Variants in PCSK5 observed in about 807,000 individuals in gnomAD.
The protein encoded by PCSK5 is proprotein convertase subtilisin/kexin type 5.
PCSK5 carries 129 observed loss-of-function variants against 233.2 expected under a neutral mutation model. The ratio of observed to expected loss-of-function variants is 0.55; its 90% CI spans 0.48 to 0.64. PCSK5 has a LOEUF of 0.64. Among genes scored for constraint, PCSK5 ranks in the 30% least tolerant of loss-of-function variants. The probability of loss-of-function intolerance (pLI) is 0.00; values close to 1 mark genes in which losing one functional copy is unlikely to be tolerated. For missense variants in PCSK5, 2,076 were observed against 2,430.1 expected (o/e 0.85, Z 3.06); for synonymous variants, 825 against 879.2 (o/e 0.94, Z 1.09).
At chr9:76,133,309 G>A (rs947060405) in intron 9 of PCSK5, among the ~76,000 whole-genome samples, 1 of 152,066 alleles carries the variant, frequency 6.6e-6, no homozygotes, top group Non-Finnish European at 1.5e-5. Context: ...ATGGCTTCGA[G>A]TATATACATA....
intron 5 of PCSK5, among the ~76,000 whole-genome samples, chr9:76,052,846 A>G (rs1397205933): frequency 6.6e-6 from 1 of 152,214 alleles, no homozygotes; most frequent in Non-Finnish European, 1.5e-5. Context: ...TCCTAGATAG[A>G]ATGGGGTACA....
chr9:75,950,147 G>A (rs1450876184), intron 2 of PCSK5, among the ~76,000 whole-genome samples: 2 of 126,624 alleles, frequency 1.6e-5, no homozygotes, highest in African/African-American at 3.0e-5. Flanking sequence ...GTGTGTGTGG[G>A]GGGGGCGGGG....
In PCSK5 at chr9:76,149,631, C is replaced by T. The variant is rs543372768; in HGVS notation, c.1313-7414C>T. On this transcript the variant is annotated intron_variant, in intron 10 of 37. Coordinates refer to ENST00000674117, the MANE Select transcript of PCSK5 (RefSeq NM_001372043.1). Reference sequence around the variant, plus strand: ...GACATATGGTCAATCTAATCTTCAACTAGCCTTTACCCAAAGGCCCTTGTA... The same window carrying T: ...GACATATGGTCAATCTAATCTTCAATTAGCCTTTACCCAAAGGCCCTTGTA... Among the ~76,000 whole-genome samples, 13 of 152,312 alleles carry T rather than the reference C, an allele frequency of 8.5e-5. No individual in the cohort carries two copies. The South Asian group carries it at 1.2e-3, about 15-fold the overall frequency.
intron 6 of PCSK5, among the ~76,000 whole-genome samples, chr9:76,069,919 T>C (rs939169965): frequency 1.3e-5 from 2 of 151,468 alleles, no homozygotes; most frequent in Non-Finnish European, 2.9e-5. Context: ...CCAGTGTTAC[T>C]CAGGATGCAG....
rs1829262777 is a variant in PCSK5 at position 76,323,250 on chromosome 9, C to A, written c.4301C>A (p.Ala1434Glu). ...YDGLCLEECP[A>E]GTYYEKETKE... ...GGACTGTGCTTGGAGGAGTGTCCAG[C>A]AGGAACCTATTATGAAAAGGAGACT... The change falls in exon 32 of 38, where the codon GCA (alanine) becomes GAA (glutamate). Residue 1434 changes from alanine (A) to glutamate (E), a missense_variant. Physicochemically the swap from Ala to Glu is moderately radical, Grantham distance 107 (BLOSUM62 -1). Coordinates refer to ENST00000674117, the MANE Select transcript of PCSK5 (RefSeq NM_001372043.1). The A allele has an allele frequency of 5.6e-6, 9 of 1,611,752 alleles. No individual in the cohort carries two copies. The highest frequency in any genetic ancestry group is 1.1e-5 in the South Asian group (1 of 91,058).
At chr9:76,282,707 G>C (rs1827921497) in intron 24 of PCSK5, among the ~76,000 whole-genome samples, 1 of 152,080 alleles carries the variant, frequency 6.6e-6, no homozygotes, top group African/African-American at 2.4e-5. Flanking sequence ...CCGAGGTTTG[G>C]GGTATGAATG....
At chr9:76,234,698 T>C (rs1356793489) in intron 22 of PCSK5, among the ~76,000 whole-genome samples, 1 of 152,228 alleles carries the variant, frequency 6.6e-6, no homozygotes, top group Non-Finnish European at 1.5e-5. Flanking sequence ...TTAAGAGTTT[T>C]TATGAAAATT....
chr9:75,974,232 C>T (rs11144704), intron 2 of PCSK5, among the ~76,000 whole-genome samples: 2,551 of 152,182 alleles, frequency 0.017, 65 homozygotes, highest in African/African-American at 0.057. Flanking sequence ...GGGCACCGCT[C>T]GCCTTCCCGT....
At chr9:75,988,278 TTTTTC>T (rs573823009) in intron 3 of PCSK5, among the ~76,000 whole-genome samples, 372 of 152,204 alleles carry the variant, frequency 2.4e-3, no homozygotes, top group Non-Finnish European at 4.2e-3. Flanking sequence ...AGGTTTTTCT[TTTTTC>T]TTTTCTTTTC....
At chr9:75,999,307 C>A (rs1298592762) in intron 3 of PCSK5, among the ~76,000 whole-genome samples, 5 of 151,892 alleles carry the variant, frequency 3.3e-5, no homozygotes, top group Admixed American at 1.3e-4. Flanking sequence ...GAGACCCTAA[C>A]CCAGCGGGGC....
chr9:75,944,184 A>C (rs10746984), intron 2 of PCSK5, among the ~76,000 whole-genome samples: 1 of 149,472 alleles, frequency 6.7e-6, no homozygotes, highest in African/African-American at 2.4e-5. Flanking sequence ...AAAGAAAAAA[A>C]ATATATATAT....
At chr9:76,063,985 AGGG>A (rs1830141618) in intron 5 of PCSK5, among the ~76,000 whole-genome samples, 1 of 56,804 alleles carries the variant, frequency 1.8e-5, no homozygotes, top group Non-Finnish European at 3.2e-5. Context: ...CCTCCCGGAC[AGGG>A]CGGCTGGCCG....
At chr9:75,930,830 A>G (rs1016100654) in intron 1 of PCSK5, among the ~76,000 whole-genome samples, 6 of 152,204 alleles carry the variant, frequency 3.9e-5, no homozygotes, top group African/African-American at 9.6e-5. Context: ...GGATTATGCA[A>G]CCACTCCTGA....
Position 76,282,145 on chromosome 9 carries a change from T to TTTTTTTTTC in PCSK5, c.3143-10086_3143-10085insTTTTTTCTT, listed in dbSNP as rs1286020691. Among the ~76,000 whole-genome samples the TTTTTTTTTC allele has an allele frequency of 4.3e-4, 43 of 98,990 alleles. 10 individuals are homozygous for TTTTTTTTTC. Among genetic ancestry groups the TTTTTTTTTC allele is most frequent in the Non-Finnish European group, 6.8e-4 (33 of 48,200 alleles). The allele number at this position is 98,990 out of a possible 152,430, so 64.9% of individuals were successfully genotyped here. On this transcript the variant is annotated intron_variant, in intron 24 of 37. Coordinates refer to ENST00000674117, the MANE Select transcript of PCSK5 (RefSeq NM_001372043.1). Reference sequence around the variant, plus strand: ...CTTTTTTTTTTTTTTTTTTTTTTTTTTTCGCTCTGTTGCCCAGGCTGGAGC... The same window carrying TTTTTTTTTC: ...CTTTTTTTTTTTTTTTTTTTTTTTTTTTTTTTTTCTTCGCTCTGTTGCCCAGGCTGGAGC...
chr9:75,974,474 A>G (rs890049071), intron 2 of PCSK5, among the ~76,000 whole-genome samples: 1 of 152,006 alleles, frequency 6.6e-6, no homozygotes, highest in Non-Finnish European at 1.5e-5. Flanking sequence ...TTGCCCGGGG[A>G]TTTTGGACAG....
chr9:76,157,370 T>G (rs983554356), intron 11 of PCSK5, among the ~76,000 whole-genome samples: 11 of 152,164 alleles, frequency 7.2e-5, no homozygotes, highest in African/African-American at 2.7e-4. Context: ...AAGAAAAGCA[T>G]CTTTAAAAAA....
intron 2 of PCSK5, among the ~76,000 whole-genome samples, chr9:75,966,537 C>T (rs1406422164): frequency 5.9e-5 from 9 of 152,144 alleles, no homozygotes; most frequent in African/African-American, 2.2e-4. Context: ...TCTTTCTTCT[C>T]GCTATAGAGG....
intron 5 of PCSK5, among the ~76,000 whole-genome samples, chr9:76,042,903 G>C (rs1019827704): frequency 1.1e-4 from 17 of 152,148 alleles, no homozygotes; most frequent in African/African-American, 4.1e-4. Flanking sequence ...CCTCAAAGGG[G>C]ACAGTGATGA....
chr9:76,133,197 A>G (rs1224304550), intron 9 of PCSK5, among the ~76,000 whole-genome samples: 1 of 152,116 alleles, frequency 6.6e-6, no homozygotes, highest in Non-Finnish European at 1.5e-5. Flanking sequence ...CTGCATGAAA[A>G]TTGTCATATT....
Sources: allele counts gnomAD v4.1 joint callset (sites outside exome capture counted in the v4.1 genomes callset), GRCh38; gene constraint gnomAD v4.1.1; transcripts MANE v1.5; gene names NCBI Gene and HGNC (gene_info 2026-07-23, HGNC 2026-07-21).